Variants in SLC35F1 observed in about 807,000 individuals in gnomAD.
SLC35F1 encodes the protein chromosome 6 open reading frame 169.
In SLC35F1, 14 loss-of-function variants were observed where a neutral mutation model predicts 48.7. The observed-to-expected ratio is 0.29, with a 90% confidence interval of 0.19 to 0.45. The LOEUF (loss-of-function observed/expected upper bound fraction) is 0.45. SLC35F1 is among the 20% of genes least tolerant of loss of function. The pLI, the probability that SLC35F1 is intolerant of heterozygous loss-of-function variation, is 1.00. For missense variants in SLC35F1, 404 were observed against 500.0 expected, an observed-to-expected ratio of 0.81 and a Z score of 1.83; for synonymous variants, 190 against 202.2, an observed-to-expected ratio of 0.94 and a Z score of 0.51.
chr6:117,946,221 G>A (rs990596204), intron 1 of SLC35F1, among the ~76,000 whole-genome samples: 9 of 152,072 alleles, frequency 5.9e-5, no homozygotes, highest in Non-Finnish European at 8.8e-5. Flanking sequence ...GAGAAGAGTA[G>A]TCTAAATGGG....
chr6:118,132,266 C>T (rs768285130), intron 1 of SLC35F1, among the ~76,000 whole-genome samples: 3 of 152,102 alleles, frequency 2.0e-5, no homozygotes, highest in South Asian at 2.1e-4. Flanking sequence ...GAAGGGAAAA[C>T]GAAGTAAAAT....
rs58875811 is a variant in SLC35F1, at chr6:117,968,250, A to G, written c.173+60351A>G. ...ATTTGTAAAAATAATAAACCTTGCC[A>G]GATTAACTGATTTTGTGGGCTTTCT... is the stretch of plus-strand genomic sequence containing the variant. On this transcript the variant is annotated intron_variant, in intron 1 of 7. Coordinates refer to ENST00000360388, the MANE Select transcript of SLC35F1 (RefSeq NM_001029858.4). 7.8e-3 allele frequency among the ~76,000 whole-genome samples: 1,183 copies of G among 152,312 alleles called. 18 individuals are homozygous for G. The highest frequency in any genetic ancestry group is 0.027 in the African/African-American group (1,126 of 41,580).
chr6:118,306,571 A>G (rs1395207441), intron 7 of SLC35F1, among the ~76,000 whole-genome samples: 1 of 152,182 alleles, frequency 6.6e-6, no homozygotes, highest in African/African-American at 2.4e-5. Flanking sequence ...TGTGCCTCCC[A>G]CACAAATGTA....
chr6:117,982,062 A>G (rs1417746959), intron 1 of SLC35F1, among the ~76,000 whole-genome samples: 1 of 152,190 alleles, frequency 6.6e-6, no homozygotes, highest in East Asian at 1.9e-4. Context: ...TACGAGATTC[A>G]TATTTAATCT....
At chr6:118,098,581 G>C (rs2114359493) in intron 1 of SLC35F1, among the ~76,000 whole-genome samples, 1 of 152,034 alleles carries the variant, frequency 6.6e-6, no homozygotes, top group Non-Finnish European at 1.5e-5. Context: ...ATCTTCCTTG[G>C]CTCCTGTCTT....
chr6:118,166,391 G>C (rs536353520), intron 2 of SLC35F1, among the ~76,000 whole-genome samples: 2 of 152,242 alleles, frequency 1.3e-5, no homozygotes, highest in African/African-American at 4.8e-5. Flanking sequence ...AAAGCAGCAG[G>C]TTCTATACCT....
chr6:118,091,508 C>T lies in SLC35F1; in HGVS notation c.174-62937C>T, dbSNP rs552662094. 2.0e-5 allele frequency among the ~76,000 whole-genome samples: 3 copies of T among 152,340 alleles called. No individual in the cohort carries two copies. The South Asian group carries it at 6.2e-4, about 32-fold the overall frequency. ...GCCTTTGCTCCTCCTTCACCTTCCA[C>T]CATGATTTTGAGGCCTCCTCAGTTA... On this transcript the variant is annotated intron_variant, in intron 1 of 7. Transcript: ENST00000360388.
chr6:118,188,286 A>G (rs1298760831), intron 2 of SLC35F1, among the ~76,000 whole-genome samples: 3 of 152,244 alleles, frequency 2.0e-5, no homozygotes, highest in Non-Finnish European at 4.4e-5. Flanking sequence ...ACGGTGGCTC[A>G]CGCCTGTAAT....
At chr6:117,930,602 A>C (rs542773382) in intron 1 of SLC35F1, among the ~76,000 whole-genome samples, 1 of 152,288 alleles carries the variant, frequency 6.6e-6, no homozygotes, top group African/African-American at 2.4e-5. Flanking sequence ...AAGCAGTCTT[A>C]GGGAGGTAAT....
At chr6:118,270,632 A>G (rs961011268) in intron 4 of SLC35F1, among the ~76,000 whole-genome samples, 3 of 152,194 alleles carry the variant, frequency 2.0e-5, no homozygotes, top group Non-Finnish European at 2.9e-5. Context: ...GTAAAAAATC[A>G]GTGGGCTTAA....
intron 3 of SLC35F1, among the ~76,000 whole-genome samples, chr6:118,263,957 T>G (rs141000671): frequency 9.8e-5 from 15 of 152,362 alleles, no homozygotes; most frequent in African/African-American, 3.4e-4. Flanking sequence ...AATTAAATAT[T>G]CCTGTCATTG....
chr6:118,182,008 T>C (rs1315290803), intron 2 of SLC35F1, among the ~76,000 whole-genome samples: 3 of 152,304 alleles, frequency 2.0e-5, no homozygotes, highest in African/African-American at 7.2e-5. Context: ...AAAGTGTGTT[T>C]GCTATTTTAT....
chr6:118,048,519 AG>A (rs903309820), intron 1 of SLC35F1, among the ~76,000 whole-genome samples: 88 of 152,320 alleles, frequency 5.8e-4, no homozygotes, highest in African/African-American at 2.0e-3. Flanking sequence ...GCAAAGTCGT[AG>A]GATACAAAAT....
At chr6:118,230,109 T>A (rs1486821298) in intron 2 of SLC35F1, among the ~76,000 whole-genome samples, 4 of 151,948 alleles carry the variant, frequency 2.6e-5, no homozygotes, top group South Asian at 4.1e-4. Flanking sequence ...TGGGAGGCCA[T>A]GGTGGGCCGA....
At chr6:118,031,445 C>T (rs893865468) in intron 1 of SLC35F1, among the ~76,000 whole-genome samples, 5 of 152,280 alleles carry the variant, frequency 3.3e-5, no homozygotes, top group Admixed American at 3.3e-4. Flanking sequence ...GGAAGTTCTA[C>T]TGCAGTGAAG....
intron 1 of SLC35F1, among the ~76,000 whole-genome samples, chr6:117,922,906 T>G (rs1466798207): frequency 2.6e-5 from 4 of 152,152 alleles, no homozygotes; most frequent in African/African-American, 9.7e-5. Context: ...ATTGTATCAC[T>G]AGAGAGTTGG....
Position 118,281,527 on chromosome 6 carries a change from G to GAGAA in SLC35F1, c.848-3643_848-3640dup, listed in dbSNP as rs528560925. On this transcript the variant is annotated intron_variant, in intron 6 of 7. Coordinates refer to ENST00000360388, the MANE Select transcript of SLC35F1 (RefSeq NM_001029858.4). ...GGCAGTAGAGGGAGATTGGAGGTGG[G>GAGAA]AGAAAGAAAGAAAGAAACCATTGTT... Among the ~76,000 whole-genome samples, 179 of 152,228 alleles carry GAGAA rather than the reference G, an allele frequency of 1.2e-3. 4 individuals carry two copies. The South Asian group carries it at 0.02, about 17-fold the overall frequency.
intron 2 of SLC35F1, among the ~76,000 whole-genome samples, chr6:118,205,362 G>A (rs1279418725): frequency 1.3e-5 from 2 of 152,144 alleles, no homozygotes; most frequent in African/African-American, 2.4e-5. Context: ...TGGCCACTAC[G>A]CACATCTATA....
intron 2 of SLC35F1, among the ~76,000 whole-genome samples, chr6:118,167,782 G>A (rs920241527): frequency 6.6e-6 from 1 of 152,042 alleles, no homozygotes; most frequent in African/African-American, 2.4e-5. Flanking sequence ...TCATTATGAT[G>A]TTATGATAGC....
Sources: allele counts gnomAD v4.1 joint callset (sites outside exome capture counted in the v4.1 genomes callset), GRCh38; gene constraint gnomAD v4.1.1; transcripts MANE v1.5; gene names NCBI Gene and HGNC (gene_info 2026-07-23, HGNC 2026-07-21).